EFCAB6: variants seen among roughly 807,000 people sequenced by gnomAD.
The protein encoded by EFCAB6 is EF-hand calcium-binding domain-containing protein 6.
A neutral mutation model predicts 169.8 loss-of-function variants in EFCAB6; 156 were observed. That is an observed-to-expected ratio of 0.92 (90% CI 0.81 to 1.05). The LOEUF (loss-of-function observed/expected upper bound fraction) is 1.05, where lower values mean the gene tolerates loss of function less well. Ranked by LOEUF, EFCAB6 falls within the 50% of genes least tolerant of loss-of-function variation. The pLI, the probability that EFCAB6 is intolerant of heterozygous loss-of-function variation, is 0.00. For synonymous variants in EFCAB6, 698 were observed against 676.4 expected (o/e 1.03, Z -0.50); for missense variants, 1,800 against 1,829.1 (o/e 0.98, Z 0.29).
chr22:43,645,931 G>C (rs940032808), intron 17 of EFCAB6, among the ~76,000 whole-genome samples: 5 of 152,126 alleles, frequency 3.3e-5, no homozygotes, highest in South Asian at 4.1e-4. Flanking sequence ...GGGAATTCCA[G>C]GCATAACTAA....
At chr22:43,631,427 T>C (rs897535832) in intron 19 of EFCAB6, among the ~76,000 whole-genome samples, 3 of 151,970 alleles carry the variant, frequency 2.0e-5, no homozygotes, top group Non-Finnish European at 4.4e-5. Context: ...ACAAGCCACA[T>C]GCTTTTCCCC....
intron 13 of EFCAB6, among the ~76,000 whole-genome samples, chr22:43,675,835 T>C (rs1031086729): frequency 6.0e-5 from 9 of 150,622 alleles, no homozygotes; most frequent in Admixed American, 4.6e-4. Flanking sequence ...GATATATATA[T>C]ATCCAGCAAC....
intron 10 of EFCAB6, among the ~76,000 whole-genome samples, chr22:43,691,501 T>G (rs1055787054): frequency 2.0e-5 from 3 of 151,942 alleles, no homozygotes; most frequent in African/African-American, 7.2e-5. Flanking sequence ...ACAAAAAAAG[T>G]AGAAAAAAAT....
At chr22:43,672,180 C>G in intron 14 of EFCAB6, 47 bp from the exon 15 acceptor site, 1 of 1,613,660 alleles carries the variant, frequency 6.2e-7, no homozygotes, top group East Asian at 2.2e-5. Context: ...CATCTGTAAC[C>G]TCTTGTAACA....
chr22:43,750,245 G>A (rs1464148525), intron 6 of EFCAB6, among the ~76,000 whole-genome samples: 4 of 152,158 alleles, frequency 2.6e-5, no homozygotes, highest in Non-Finnish European at 5.9e-5. Context: ...TCCTGGGGTA[G>A]AAGTATTCTC....
chr22:43,659,340 T>C (rs865802171), intron 17 of EFCAB6, among the ~76,000 whole-genome samples: 12 of 152,184 alleles, frequency 7.9e-5, no homozygotes, highest in African/African-American at 2.9e-4. Flanking sequence ...ATACAAATAC[T>C]TAATATTTGA....
chr22:43,795,694 A>G lies in EFCAB6; in HGVS notation c.-8+13301T>C, dbSNP rs578051850. On this transcript the variant is annotated intron_variant, in intron 2 of 31. Transcript: ENST00000262726. This position sits in a 1 kb window ranked among gnomAD's most constrained non-coding sequence, Gnocchi z 4.2. ...TGAACTCCATTATAAGCTCCATGAAATAAAAGGGTGTGTTTACACCACTCT... is the reference window on the plus strand; with the variant it reads ...TGAACTCCATTATAAGCTCCATGAAGTAAAAGGGTGTGTTTACACCACTCT... Among the ~76,000 whole-genome samples, 1 of 152,262 alleles carries G rather than the reference A, an allele frequency of 6.6e-6. No homozygotes were observed. Among genetic ancestry groups the G allele is most frequent in the South Asian group, 2.1e-4 (1 of 4,824 alleles).
chr22:43,577,777 G>A (rs1016256778), intron 25 of EFCAB6, among the ~76,000 whole-genome samples: 4 of 151,374 alleles, frequency 2.6e-5, no homozygotes, highest in Admixed American at 2.0e-4. Context: ...TGGCTGGGCT[G>A]CCCCTCCTCA....
chr22:43,645,943 G>A (rs1048067459), intron 17 of EFCAB6, among the ~76,000 whole-genome samples: 14 of 152,176 alleles, frequency 9.2e-5, no homozygotes, highest in African/African-American at 3.1e-4. Flanking sequence ...CATAACTAAT[G>A]CATTGACCAG....
At chr22:43,699,865 A>G (rs2058703834) in intron 10 of EFCAB6, among the ~76,000 whole-genome samples, 1 of 152,184 alleles carries the variant, frequency 6.6e-6, no homozygotes, top group African/African-American at 2.4e-5. Context: ...CCACGCTACT[A>G]TTGTTACCAG....
At chr22:43,790,400 A>G (rs1449431627) in intron 2 of EFCAB6, among the ~76,000 whole-genome samples, 1 of 152,262 alleles carries the variant, frequency 6.6e-6, no homozygotes, top group African/African-American at 2.4e-5. Flanking sequence ...AGATCAATGA[A>G]CAAAATATGT....
At chr22:43,534,574 G>C (rs548487237) in intron 30 of EFCAB6, 114 bp downstream of exon 30, 3 of 1,004,258 alleles carry the variant, frequency 3.0e-6, no homozygotes, top group Admixed American at 3.5e-5. Context: ...GCAGTGAACC[G>C]TGAACCACTG....
chr22:43,533,952 G>A (rs896844718), intron 30 of EFCAB6, among the ~76,000 whole-genome samples: 18 of 152,276 alleles, frequency 1.2e-4, no homozygotes, highest in African/African-American at 4.3e-4. Flanking sequence ...CCGCAAGTGC[G>A]ACAAATTAAC....
chr22:43,685,504 G>T (rs1238224244), intron 11 of EFCAB6, among the ~76,000 whole-genome samples: 1 of 152,206 alleles, frequency 6.6e-6, no homozygotes, highest in African/African-American at 2.4e-5. Context: ...CGTTGCCTTA[G>T]TGTGTGAGCA....
intron 7 of EFCAB6, 114 bp from the exon 8 acceptor site, chr22:43,731,925 G>T: frequency 1.9e-6 from 1 of 537,786 alleles, no homozygotes. Context: ...TCTGTTTCTA[G>T]CTACAGAGGG....
chr22:43,670,623 G>A (rs1291362383), intron 15 of EFCAB6, among the ~76,000 whole-genome samples: 1 of 152,206 alleles, frequency 6.6e-6, no homozygotes, highest in Non-Finnish European at 1.5e-5. Context: ...CTCAATAAGT[G>A]CTCACTAGTA....
chr22:43,647,907 G>A (rs1158122813), intron 17 of EFCAB6, among the ~76,000 whole-genome samples: 1 of 152,166 alleles, frequency 6.6e-6, no homozygotes, highest in African/African-American at 2.4e-5. Flanking sequence ...TGAGAGCATG[G>A]CTCTGCTGAC....
chr22:43,779,694 C>T (rs1255074893), intron 3 of EFCAB6, among the ~76,000 whole-genome samples: 1 of 151,962 alleles, frequency 6.6e-6, no homozygotes, highest in Non-Finnish European at 1.5e-5. Flanking sequence ...GAGCCAAGAT[C>T]GCACCACTGC....
rs114349822 is a variant in EFCAB6, at chr22:43,572,259, G to C, written c.3420+4038C>G. 1.3e-5 allele frequency among the ~76,000 whole-genome samples: 2 copies of C among 152,272 alleles called. No homozygotes were observed. Among genetic ancestry groups the C allele is most frequent in the East Asian group, 1.9e-4 (1 of 5,180 alleles). On this transcript the variant is annotated intron_variant, in intron 26 of 31. Transcript: ENST00000262726. The surrounding 1 kb of genome is among the most constrained non-coding windows in gnomAD (Gnocchi z 4.0). ...ACTGGGCAGAACTAACCAATGTTGC[G>C]GGAGGCAAGCTGACAGCACATAAAG...
Sources: gnomAD v4.1 joint callset for allele counts (sites outside exome capture counted in the v4.1 genomes callset) on GRCh38, gnomAD v4.1.1 for gene constraint, Gnocchi (gnomAD v3.1) non-coding constraint, MANE v1.5 for transcripts, NCBI Gene and HGNC (gene_info 2026-07-23, HGNC 2026-07-21) for gene names.